PCDH15: variants seen among roughly 807,000 people sequenced by gnomAD.
The protein encoded by PCDH15 is protocadherin-15.
PCDH15 carries 129 observed loss-of-function variants against 178.5 expected under a neutral mutation model. That is an observed-to-expected ratio of 0.72 (90% CI 0.63 to 0.84). The LOEUF is 0.84. PCDH15 is among the 40% of genes least tolerant of loss of function. The pLI is 0.00. For synonymous variants in PCDH15, 800 were observed against 732.0 expected (o/e 1.09, Z -1.50); for missense variants, 2,230 against 2,099.9 (o/e 1.06, Z -1.21).
chr10:54,963,993 G>T (rs1643290469), intron 2 of PCDH15, among the ~76,000 whole-genome samples: 1 of 152,068 alleles, frequency 6.6e-6, no homozygotes, highest in African/African-American at 2.4e-5. Flanking sequence ...ACTACATGTG[G>T]GGAAAAAAGA....
intron 3 of PCDH15, among the ~76,000 whole-genome samples, chr10:54,390,347 C>T (rs1950402544): frequency 6.6e-6 from 1 of 152,106 alleles, no homozygotes; most frequent in Non-Finnish European, 1.5e-5. Context: ...GGCTGGAGTG[C>T]AGTGGTGCGA....
chr10:54,779,412 A>G (rs1322045997), intron 1 of PCDH15, among the ~76,000 whole-genome samples: 2 of 119,652 alleles, frequency 1.7e-5, no homozygotes, highest in Non-Finnish European at 3.4e-5. Flanking sequence ...ATATGTATAT[A>G]TATATATATA....
chr10:54,395,976 T>C (rs961560235), intron 3 of PCDH15, among the ~76,000 whole-genome samples: 1 of 152,126 alleles, frequency 6.6e-6, no homozygotes, highest in Admixed American at 6.6e-5. Flanking sequence ...CACCCCAATT[T>C]AGGATGGTTT....
intron 3 of PCDH15, among the ~76,000 whole-genome samples, chr10:54,494,007 G>A (rs56681898): frequency 0.094 from 13,789 of 147,334 alleles, 607 homozygotes; most frequent in East Asian, 0.11. Flanking sequence ...AACACTGCAT[G>A]TTCTCACTCA....
At chr10:54,221,707 A>G (rs537697137) in intron 9 of PCDH15, among the ~76,000 whole-genome samples, 1 of 151,602 alleles carries the variant, frequency 6.6e-6, no homozygotes, top group African/African-American at 2.4e-5. Flanking sequence ...AGTTGAAGCA[A>G]TTCTCCCGCC....
intron 2 of PCDH15, among the ~76,000 whole-genome samples, chr10:55,141,954 G>C (rs1029231105): frequency 2.0e-5 from 3 of 151,884 alleles, no homozygotes; most frequent in Admixed American, 1.3e-4. Context: ...TAATTATTCA[G>C]GAAGGCCACA....
intron 3 of PCDH15, among the ~76,000 whole-genome samples, chr10:54,458,699 C>T (rs1320176218): frequency 6.6e-6 from 1 of 152,130 alleles, no homozygotes; most frequent in East Asian, 1.9e-4. Flanking sequence ...ACATGCCTCC[C>T]TCTGACTTCC....
intron 2 of PCDH15, among the ~76,000 whole-genome samples, chr10:55,621,352 A>G (rs1481138810): frequency 6.6e-6 from 1 of 152,224 alleles, no homozygotes; most frequent in Non-Finnish European, 1.5e-5. Context: ...CTTGTTGGCA[A>G]TGTGGAAAAC....
At chr10:55,081,063 T>C (rs1212627595) in intron 2 of PCDH15, among the ~76,000 whole-genome samples, 2 of 152,114 alleles carry the variant, frequency 1.3e-5, no homozygotes, top group East Asian at 3.9e-4. Flanking sequence ...ATGCTAGTTT[T>C]AGTATTCATG....
At chr10:54,006,971 C>G (rs2092407290) in intron 20 of PCDH15, among the ~76,000 whole-genome samples, 1 of 152,132 alleles carries the variant, frequency 6.6e-6, no homozygotes, top group Non-Finnish European at 1.5e-5. Flanking sequence ...TCTCCTACTC[C>G]CATGCAGCCA....
chr10:54,483,238 T>C (rs2078848614), intron 3 of PCDH15, among the ~76,000 whole-genome samples: 1 of 151,740 alleles, frequency 6.6e-6, no homozygotes, highest in Non-Finnish European at 1.5e-5. Flanking sequence ...ATTAGAGGGG[T>C]CATATTTGCA....
chr10:54,596,177 A>T (rs2092228358), intron 2 of PCDH15, among the ~76,000 whole-genome samples: 1 of 152,156 alleles, frequency 6.6e-6, no homozygotes, highest in South Asian at 2.1e-4. Flanking sequence ...CTGTAAGGTC[A>T]AAATGAAAGA....
intron 18 of PCDH15, among the ~76,000 whole-genome samples, chr10:54,049,337 G>A (rs1590115666): frequency 6.6e-6 from 1 of 152,160 alleles, no homozygotes; most frequent in African/African-American, 2.4e-5. Context: ...GACTTCTTCT[G>A]TTCCTACTTG....
chr10:55,163,020 C>T (rs561527064), intron 2 of PCDH15, among the ~76,000 whole-genome samples: 76 of 152,232 alleles, frequency 5.0e-4, no homozygotes, highest in Admixed American at 1.4e-3. Flanking sequence ...TGACTCCACC[C>T]AGGCCAGGGA....
At chr10:54,735,167 T>C (rs1008751693) in intron 1 of PCDH15, among the ~76,000 whole-genome samples, 3 of 152,086 alleles carry the variant, frequency 2.0e-5, no homozygotes, top group Non-Finnish European at 4.4e-5. Context: ...ATTTTATGCA[T>C]AGAAAAATCT....
intron 9 of PCDH15, among the ~76,000 whole-genome samples, chr10:54,229,234 C>T (rs746534201): frequency 2.0e-5 from 3 of 152,068 alleles, no homozygotes; most frequent in Non-Finnish European, 4.4e-5. Context: ...TAAAGTCAGA[C>T]TGACAATTTT....
intron 3 of PCDH15, among the ~76,000 whole-genome samples, chr10:54,387,598 C>T (rs11004270): frequency 0.24 from 36,573 of 151,998 alleles, 5,778 homozygotes; most frequent in East Asian, 0.82. Flanking sequence ...GATCTTCAGG[C>T]CTCTCAAAGT....
chr10:55,175,224 T>A (rs1196474717), intron 1 of PCDH15, among the ~76,000 whole-genome samples: 1 of 152,084 alleles, frequency 6.6e-6, no homozygotes, highest in Non-Finnish European at 1.5e-5. Flanking sequence ...TCTCAGTTAC[T>A]CCAAACTATC....
intron 1 of PCDH15, among the ~76,000 whole-genome samples, chr10:54,707,301 A>ATT (rs2095375292): frequency 6.6e-6 from 1 of 152,212 alleles, no homozygotes; most frequent in Non-Finnish European, 1.5e-5. Flanking sequence ...ACATCATGCA[A>ATT]CAGTAACTTA....
Sources: allele counts gnomAD v4.1 joint callset (sites outside exome capture counted in the v4.1 genomes callset), GRCh38; gene constraint gnomAD v4.1.1; transcripts MANE v1.5; gene names NCBI Gene and HGNC (gene_info 2026-07-23, HGNC 2026-07-21).